AHR: variants seen among roughly 807,000 people sequenced by gnomAD.
AHR encodes the protein aryl hydrocarbon receptor.
AHR carries 40 observed loss-of-function variants against 86.8 expected under a neutral mutation model. The ratio of observed to expected loss-of-function variants is 0.46; its 90% CI spans 0.36 to 0.60. The LOEUF (loss-of-function observed/expected upper bound fraction) is 0.60, where lower values mean the gene tolerates loss of function less well. Ranked by LOEUF, AHR falls within the 20% of genes least tolerant of loss-of-function variation. The pLI is 0.00. For synonymous variants in AHR, 398 were observed against 354.9 expected, an observed-to-expected ratio of 1.12 and a Z score of -1.37; for missense variants, 1,001 against 1,011.6, an observed-to-expected ratio of 0.99 and a Z score of 0.14.
intron 2 of AHR, 59 bp from the exon 3 acceptor site, chr7:17,322,442 A>C: frequency 4.4e-6 from 5 of 1,130,026 alleles, no homozygotes; most frequent in Non-Finnish European, 6.5e-6. Flanking sequence ...GAAGTTTTCT[A>C]TTATAGCTCT....
At chr7:17,308,428 G>A (rs940898144) in intron 1 of AHR, among the ~76,000 whole-genome samples, 1 of 151,792 alleles carries the variant, frequency 6.6e-6, no homozygotes, top group Non-Finnish European at 1.5e-5. Flanking sequence ...TGTTTACCTG[G>A]GCTGTACAGG....
At chr7:17,328,008 C>T (rs1432744512) in intron 4 of AHR, among the ~76,000 whole-genome samples, 160 bp downstream of exon 4, 1 of 151,722 alleles carries the variant, frequency 6.6e-6, no homozygotes, top group African/African-American at 2.4e-5. Flanking sequence ...TAATAATTTA[C>T]TGCACTATAA....
chr7:17,307,774 C>T (rs1314370936), intron 1 of AHR, among the ~76,000 whole-genome samples: 2 of 152,166 alleles, frequency 1.3e-5, no homozygotes, highest in African/African-American at 2.4e-5. Flanking sequence ...TATACTCTAT[C>T]ACCAGAGTCA....
Position 17,338,940 on chromosome 7 carries a change from T to C in AHR, c.1161-46T>C, listed in dbSNP as rs530775060. The C allele has an allele frequency of 1.7e-5, 25 of 1,477,244 alleles. No individual in the cohort carries two copies. In the South Asian group the frequency reaches 3.0e-4, roughly 17 times the overall value. The allele number at this position is 1,477,244 out of a possible 1,614,324, so 91.5% of individuals were successfully genotyped here. Reference sequence around the variant, plus strand: ...TTTTTAAATTATTTTTATTTTAAAATGTTTGATAGAATTTTTTTCTAAGAC... The same window carrying C: ...TTTTTAAATTATTTTTATTTTAAAACGTTTGATAGAATTTTTTTCTAAGAC... On this transcript the variant is annotated intron_variant, in intron 9 of 10. Transcript: ENST00000242057.
rs983878663 is a variant in AHR, at chr7:17,309,079, A to T, written c.66-857A>T. 5.3e-5 allele frequency among the ~76,000 whole-genome samples: 8 copies of T among 152,208 alleles called. No individual in the cohort carries two copies. The South Asian group carries it at 1.7e-3, about 32-fold the overall frequency. The stretch of plus-strand genomic sequence containing the variant: ...CTTTAAGTGATTAATGTCTGCTGTG[A>T]AATCCTGGCTGGGGTCTTTGTGTGA... On this transcript the variant is annotated intron_variant, in intron 1 of 10. Transcript: ENST00000242057.
At chr7:17,314,158 T>C (rs1260092848) in intron 2 of AHR, among the ~76,000 whole-genome samples, 1 of 152,132 alleles carries the variant, frequency 6.6e-6, no homozygotes, top group Admixed American at 6.6e-5. Context: ...CTAATGAGCC[T>C]GACAAAATGG....
intron 1 of AHR, among the ~76,000 whole-genome samples, chr7:17,306,891 CAT>C (rs760233782): frequency 2.0e-4 from 30 of 152,080 alleles, no homozygotes; most frequent in Non-Finnish European, 1.6e-4. Flanking sequence ...GGTCAGCAAA[CAT>C]TAATTGAGAA....
chr7:17,312,214 A>G (rs1228576810), intron 2 of AHR, among the ~76,000 whole-genome samples: 1 of 152,176 alleles, frequency 6.6e-6, no homozygotes, highest in Admixed American at 6.5e-5. Flanking sequence ...TGTGATGTGT[A>G]AGACGTGGTT....
intron 6 of AHR, among the ~76,000 whole-genome samples, chr7:17,332,327 A>G (rs1782305285): frequency 6.6e-6 from 1 of 151,818 alleles, no homozygotes; most frequent in African/African-American, 2.4e-5. Context: ...TTTAATCATT[A>G]TTTTAGAATA....
chr7:17,307,637 G>A (rs1044229897), intron 1 of AHR, among the ~76,000 whole-genome samples: 3 of 152,150 alleles, frequency 2.0e-5, no homozygotes, highest in South Asian at 2.1e-4. Flanking sequence ...CTAAGCTAAG[G>A]AACATGGACA....
At chr7:17,307,474 A>G (rs532186948) in intron 1 of AHR, among the ~76,000 whole-genome samples, 1 of 152,308 alleles carries the variant, frequency 6.6e-6, no homozygotes, top group South Asian at 2.1e-4. Flanking sequence ...CCAATGGGAC[A>G]TAACAAGGAG....
chr7:17,310,615 A>G (rs1782053908), intron 2 of AHR, among the ~76,000 whole-genome samples: 1 of 151,176 alleles, frequency 6.6e-6, no homozygotes, highest in East Asian at 1.9e-4. Context: ...GCTCACTGCA[A>G]CCTCTGACTC....
chr7:17,330,618 A>G (rs531059326), intron 5 of AHR, 138 bp from the exon 6 acceptor site: 6 of 684,860 alleles, frequency 8.8e-6, no homozygotes, highest in Non-Finnish European at 1.3e-5. Context: ...GTTTCTTGTC[A>G]TTAGCTCTTT....
chr7:17,342,389 AT>A, intron 10 of AHR, among the ~76,000 whole-genome samples: 1 of 152,156 alleles, frequency 6.6e-6, no homozygotes, highest in Non-Finnish European at 1.5e-5. Flanking sequence ...TTAAAAGTAT[AT>A]TATGAATAAG....
chr7:17,303,728 A>G (rs976145075), intron 1 of AHR, among the ~76,000 whole-genome samples: 1 of 152,070 alleles, frequency 6.6e-6, no homozygotes, highest in African/African-American at 2.4e-5. Flanking sequence ...TGTAAATTTT[A>G]ATGCAAATTT....
chr7:17,321,280 C>G (rs541555224), intron 2 of AHR, among the ~76,000 whole-genome samples: 1 of 152,120 alleles, frequency 6.6e-6, no homozygotes, highest in East Asian at 1.9e-4. Context: ...GTTTGTTGAA[C>G]AGTATTGATC....
At position 17,345,716 on chromosome 7, in the gene AHR, A is replaced by G. The variant is rs1224212078; in HGVS notation, c.*2652A>G. ...TTGAAAAGCAATATTGTATATTTTT[A>G]TCTATATAAAATAACTAAAATGTAT... On this transcript the variant is annotated 3_prime_UTR_variant, in exon 11 of 11. Transcript: ENST00000242057. The G allele has an allele frequency of 6.6e-6, 1 of 152,626 alleles. No homozygotes were observed. Among genetic ancestry groups the G allele is most frequent in the Non-Finnish European group, 1.5e-5 (1 of 68,018 alleles). 9.5% of individuals were successfully genotyped at this position (152,626 alleles called of 1,614,324 possible). A position where few individuals can be genotyped will look rare whatever the true frequency, so the allele number is the denominator to read the frequency against.
intron 1 of AHR, among the ~76,000 whole-genome samples, chr7:17,305,969 C>T (rs1782001502): frequency 6.6e-6 from 1 of 152,092 alleles, no homozygotes; most frequent in South Asian, 2.1e-4. Context: ...GGCATGCAGT[C>T]AGCTGGAGTC....
In AHR at chr7:17,343,762, C is replaced by T. The variant is rs192831928; in HGVS notation, c.*698C>T. Reference sequence around the variant, plus strand: ...CATTAATTCAGGCATATTTTAACTCCACTGCTTACCTACTTTCTTCAGGTA... The same window carrying T: ...CATTAATTCAGGCATATTTTAACTCTACTGCTTACCTACTTTCTTCAGGTA... On this transcript the variant is annotated 3_prime_UTR_variant, in exon 11 of 11. Transcript: ENST00000242057. 2.0e-5 allele frequency: 3 copies of T among 152,638 alleles called. No homozygotes were observed. Among genetic ancestry groups the T allele is most frequent in the South Asian group, 2.1e-4 (1 of 4,808 alleles). The allele number at this position is 152,638 out of a possible 1,614,324, so 9.5% of individuals were successfully genotyped here.
Sources: allele counts gnomAD v4.1 joint callset (sites outside exome capture counted in the v4.1 genomes callset), GRCh38; gene constraint gnomAD v4.1.1; transcripts MANE v1.5; gene names NCBI Gene and HGNC (gene_info 2026-07-23, HGNC 2026-07-21).